ROBO1: variants seen among roughly 807,000 people sequenced by gnomAD.
ROBO1 encodes roundabout guidance receptor 1, also known as roundabout homolog 1.
A neutral mutation model predicts 195.9 loss-of-function variants in ROBO1; 149 were observed. The ratio of observed to expected loss-of-function variants is 0.76; its 90% CI spans 0.67 to 0.87. The LOEUF is 0.87. ROBO1 is among the 40% of genes least tolerant of loss of function. The probability of loss-of-function intolerance (pLI) is 0.00; values close to 1 mark genes in which losing one functional copy is unlikely to be tolerated. For missense variants in ROBO1, 1,933 were observed against 2,068.3 expected, an observed-to-expected ratio of 0.93 and a Z score of 1.27; for synonymous variants, 816 against 733.2, an observed-to-expected ratio of 1.11 and a Z score of -1.82.
At chr3:79,371,073 A>T (rs1029309920) in intron 2 of ROBO1, among the ~76,000 whole-genome samples, 33 of 151,994 alleles carry the variant, frequency 2.2e-4, no homozygotes, top group African/African-American at 7.5e-4. Context: ...CATTTTCTTT[A>T]TCTAGTCTAT....
chr3:78,947,707 C>A (rs1165596998), intron 3 of ROBO1, among the ~76,000 whole-genome samples: 1 of 152,014 alleles, frequency 6.6e-6, no homozygotes, highest in African/African-American at 2.4e-5. Context: ...GACAATAAAA[C>A]CCTTCAAAAA....
At chr3:79,323,858 A>T (rs1188464172) in intron 2 of ROBO1, among the ~76,000 whole-genome samples, 1 of 152,102 alleles carries the variant, frequency 6.6e-6, no homozygotes, top group Non-Finnish European at 1.5e-5. Flanking sequence ...ATTTTCCTTA[A>T]CCCAGTAGTA....
At chr3:79,154,346 T>C (rs1420744423) in intron 2 of ROBO1, among the ~76,000 whole-genome samples, 3 of 151,742 alleles carry the variant, frequency 2.0e-5, no homozygotes, top group African/African-American at 2.4e-5. Context: ...TGAAATGACA[T>C]TTTGCATTTC....
chr3:79,186,236 T>C (rs1428786513), intron 2 of ROBO1, among the ~76,000 whole-genome samples: 4 of 152,152 alleles, frequency 2.6e-5, no homozygotes, highest in Non-Finnish European at 5.9e-5. Context: ...TCATTACACA[T>C]ACATATGTTC....
chr3:78,622,486 A>T (rs1202441127), intron 26 of ROBO1, among the ~76,000 whole-genome samples: 2 of 152,194 alleles, frequency 1.3e-5, no homozygotes, highest in Admixed American at 6.5e-5. Flanking sequence ...TATGACAGGT[A>T]AGGATTCAAT....
At chr3:78,969,080 G>A (rs1157094629) in intron 3 of ROBO1, among the ~76,000 whole-genome samples, 1 of 152,110 alleles carries the variant, frequency 6.6e-6, no homozygotes, top group African/African-American at 2.4e-5. Context: ...TATATGAGTG[G>A]ATCCCAAAAC....
intron 2 of ROBO1, among the ~76,000 whole-genome samples, chr3:79,222,766 T>C (rs1297915861): frequency 1.3e-5 from 2 of 152,140 alleles, no homozygotes; most frequent in Non-Finnish European, 2.9e-5. Flanking sequence ...ATTACTATAA[T>C]ATAAATTAGA....
intron 4 of ROBO1, among the ~76,000 whole-genome samples, chr3:78,790,950 A>G (rs752644887): frequency 4.3e-4 from 66 of 152,240 alleles, no homozygotes; most frequent in Non-Finnish European, 8.7e-4. Flanking sequence ...TTCATATTTC[A>G]TTGCAAGGAA....
At chr3:79,033,265 T>A (rs1460784988) in intron 3 of ROBO1, among the ~76,000 whole-genome samples, 5 of 152,128 alleles carry the variant, frequency 3.3e-5, no homozygotes, top group Non-Finnish European at 1.5e-5. Flanking sequence ...GGAATATTTT[T>A]ATAATATTAT....
chr3:79,007,853 G>C (rs560521100), intron 3 of ROBO1, among the ~76,000 whole-genome samples: 10 of 152,082 alleles, frequency 6.6e-5, no homozygotes, highest in Admixed American at 2.0e-4. Flanking sequence ...CTTAAGCACA[G>C]GGAATGAGCA....
At chr3:78,846,838 C>T (rs2033701144) in intron 4 of ROBO1, among the ~76,000 whole-genome samples, 1 of 152,082 alleles carries the variant, frequency 6.6e-6, no homozygotes, top group Non-Finnish European at 1.5e-5. Flanking sequence ...CAAAAGCATT[C>T]CAAAGAGGTT....
At chr3:78,619,703 A>G (rs1704335542) in intron 26 of ROBO1, among the ~76,000 whole-genome samples, 1 of 151,966 alleles carries the variant, frequency 6.6e-6, no homozygotes, top group Non-Finnish European at 1.5e-5. Context: ...ATGTCTGGGA[A>G]TGCACAATTG....
chr3:78,644,233 A>G (rs1195677302), intron 21 of ROBO1, among the ~76,000 whole-genome samples: 1 of 152,066 alleles, frequency 6.6e-6, no homozygotes, highest in African/African-American at 2.4e-5. Flanking sequence ...TTTTTTCCGT[A>G]GCATTTATCA....
At chr3:79,254,780 G>T (rs114651161) in intron 2 of ROBO1, among the ~76,000 whole-genome samples, 87 of 152,174 alleles carry the variant, frequency 5.7e-4, no homozygotes, top group African/African-American at 2.0e-3. Context: ...CTCCAATTAG[G>T]CAGTAAAGTT....
intron 2 of ROBO1, among the ~76,000 whole-genome samples, chr3:79,179,434 G>A (rs754759819): frequency 1.6e-4 from 25 of 152,234 alleles, no homozygotes; most frequent in Middle Eastern, 3.4e-3. Flanking sequence ...CTTACTTTCC[G>A]GTAAGGATGA....
intron 2 of ROBO1, among the ~76,000 whole-genome samples, chr3:79,559,840 C>T (rs927576360): frequency 2.6e-5 from 4 of 152,028 alleles, no homozygotes; most frequent in African/African-American, 9.7e-5. Context: ...TTGCTTGAAC[C>T]CGGGAGGTGG....
rs374207647 is a variant in ROBO1, at chr3:78,896,364, C to T, written c.499+42237G>A. Among the ~76,000 whole-genome samples, 112 of 152,176 alleles carry T rather than the reference C, an allele frequency of 7.4e-4. 3 individuals carry two copies. The highest frequency in any genetic ancestry group is 3.8e-3 in the Admixed American group (58 of 15,278). On this transcript the variant is annotated intron_variant, in intron 4 of 30. Transcript: ENST00000464233. ...GAAGCAACTGAAGATCCACAAAAGACGTGAAAATAGCCTTAACTGATGACA... is the reference window on the plus strand; with the variant it reads ...GAAGCAACTGAAGATCCACAAAAGATGTGAAAATAGCCTTAACTGATGACA...
intron 2 of ROBO1, among the ~76,000 whole-genome samples, chr3:79,380,333 T>C (rs2036527060): frequency 6.6e-6 from 1 of 152,174 alleles, no homozygotes; most frequent in Non-Finnish European, 1.5e-5. Context: ...TATCCTCTTT[T>C]TCCCTTGTCT....
chr3:78,647,342 A>C lies in ROBO1; in HGVS notation c.2839+287T>G, dbSNP rs76792789. Among the ~76,000 whole-genome samples, 114 of 152,160 alleles carry C rather than the reference A, an allele frequency of 7.5e-4. 1 individual carries two copies. The East Asian group carries it at 0.021, about 28-fold the overall frequency. ...TAGTCAATAAGATCATTAGCATGTTAAATCATGCTGAAGGTAGAGACAGTG... is the reference window on the plus strand; with the variant it reads ...TAGTCAATAAGATCATTAGCATGTTCAATCATGCTGAAGGTAGAGACAGTG... On this transcript the variant is annotated intron_variant, in intron 20 of 30. Coordinates refer to ENST00000464233, the MANE Select transcript of ROBO1 (RefSeq NM_002941.4).
Sources: gnomAD v4.1 joint callset for allele counts (sites outside exome capture counted in the v4.1 genomes callset) on GRCh38, gnomAD v4.1.1 for gene constraint, MANE v1.5 for transcripts, NCBI Gene and HGNC (gene_info 2026-07-23, HGNC 2026-07-21) for gene names.